The following IL10 variants were observed in gnomAD, a reference collection of about 807,000 sequenced individuals.
The protein encoded by IL10 is interleukin 10.
A neutral mutation model predicts 21.0 loss-of-function variants in IL10; 7 were observed. The observed-to-expected ratio is 0.33, with a 90% CI of 0.19 to 0.63. The LOEUF is 0.63. Among genes scored for constraint, IL10 ranks in the 20% least tolerant of loss-of-function variants. IL10 has a pLI of 0.77. For missense variants in IL10, 161 were observed against 213.0 expected (o/e 0.76, Z 1.52); for synonymous variants, 83 against 79.7 (o/e 1.04, Z -0.22).
chr1:206,770,812 C>T, intron 3 of IL10, 95 bp downstream of exon 3: 4 of 1,207,736 alleles, frequency 3.3e-6, no homozygotes, highest in Non-Finnish European at 4.9e-6. Context: ...CAGTCTGTGT[C>T]TTTGCTGTGT....
chr1:206,771,790 A>G (rs888523898), intron 1 of IL10, among the ~76,000 whole-genome samples: 3 of 152,162 alleles, frequency 2.0e-5, no homozygotes, highest in South Asian at 2.1e-4. Flanking sequence ...CACTGTAGAC[A>G]TCCAGTTTAG....
In IL10 at chr1:206,768,438, T is replaced by G. The variant is rs1674729324; in HGVS notation, c.*198A>C. The stretch of plus-strand genomic sequence containing the variant: ...ATTGAAAAAAATTATAATATTGGGC[T>G]TCTTTCTAAATCGTTCACAGAGAAG... On this transcript the variant is annotated 3_prime_UTR_variant, in exon 5 of 5. Coordinates refer to ENST00000423557, the MANE Select transcript of IL10 (RefSeq NM_000572.3). The G allele has an allele frequency of 1.8e-6, 1 of 564,540 alleles. No homozygotes were observed. Among genetic ancestry groups the G allele is most frequent in the African/African-American group, 1.9e-5 (1 of 53,276 alleles). 35.0% of individuals were successfully genotyped at this position (564,540 alleles called of 1,614,324 possible).
rs575873427 is a variant in IL10 at position 206,769,973 on chromosome 1, C to G, written c.379-79G>C. The G allele has an allele frequency of 6.7e-6, 8 of 1,189,270 alleles. No individual in the cohort carries two copies. The African/African-American group carries it at 7.5e-5, about 11-fold the overall frequency. The allele number at this position is 1,189,270 out of a possible 1,614,324, so 73.7% of individuals were successfully genotyped here. ...TCACACTTAGGGGACAAGCTGGTGG[C>G]ATCATGAGGAGGCCAGATTTATCCA... On this transcript the variant is annotated intron_variant, in intron 3 of 4. Transcript: ENST00000423557.
At position 206,768,622 on chromosome 1, in the gene IL10, GCCA is replaced by G. The variant is rs1248215889; in HGVS notation, c.*11_*13del. On this transcript the variant is annotated 3_prime_UTR_variant, in exon 5 of 5. Transcript: ENST00000423557. ...TTTATGTCCTAGAGTCTATAGAGTCGCCACCCTGATGTCTCAGTTTCGTATCTT... is the reference window on the plus strand; with the variant it reads ...TTTATGTCCTAGAGTCTATAGAGTCGCCCTGATGTCTCAGTTTCGTATCTT... 5.6e-5 allele frequency: 83 copies of G among 1,492,170 alleles called. No individual in the cohort carries two copies. Among genetic ancestry groups the G allele is most frequent in the Non-Finnish European group, 7.5e-5 (80 of 1,069,362 alleles). The allele number at this position is 1,492,170 out of a possible 1,614,324, so 92.4% of individuals were successfully genotyped here. A position where few individuals can be genotyped will look rare whatever the true frequency, so the allele number is the denominator to read the frequency against.
At chr1:206,769,607 G>A in intron 4 of IL10, 2 of 607,816 alleles carry the variant, frequency 3.3e-6, no homozygotes, top group East Asian at 2.8e-5. Flanking sequence ...CAAAGGCAGC[G>A]AGCAGTCATT....
intron 3 of IL10, among the ~76,000 whole-genome samples, chr1:206,770,222 G>A (rs977433728): frequency 4.6e-5 from 7 of 152,042 alleles, no homozygotes; most frequent in Admixed American, 1.3e-4. Flanking sequence ...GTTCCTCCCC[G>A]TCAGTCACAG....
chr1:206,769,768 G>A (rs1321308226), intron 4 of IL10, 61 bp downstream of exon 4: 2 of 1,290,036 alleles, frequency 1.6e-6, no homozygotes, highest in South Asian at 2.4e-5. Context: ...CCATGCTTTG[G>A]GGTTGGGGAG....
intron 4 of IL10, chr1:206,769,533 ACTCTCCC>A: frequency 1.9e-6 from 1 of 513,874 alleles, no homozygotes; most frequent in Non-Finnish European, 3.5e-6. Flanking sequence ...TTCCTTTGTC[ACTCTCCC>A]CAGCATGCAG....
At chr1:206,770,669 C>G (rs983958596) in intron 3 of IL10, 9 of 568,706 alleles carry the variant, frequency 1.6e-5, no homozygotes, top group Non-Finnish European at 2.5e-5. Flanking sequence ...CCACAAATGA[C>G]TCACAAATAA....
chr1:206,768,625 A>T lies in IL10; in HGVS notation c.*11T>A. The T allele has an allele frequency of 6.6e-7, 1 of 1,520,276 alleles. No individual in the cohort carries two copies. Among genetic ancestry groups the T allele is most frequent in the Non-Finnish European group, 9.1e-7 (1 of 1,094,560 alleles). The allele number at this position is 1,520,276 out of a possible 1,614,324, so 94.2% of individuals were successfully genotyped here. A position where few individuals can be genotyped will look rare whatever the true frequency, so the allele number is the denominator to read the frequency against. Reference sequence around the variant, plus strand: ...ATGTCCTAGAGTCTATAGAGTCGCCACCCTGATGTCTCAGTTTCGTATCTT... The same window carrying T: ...ATGTCCTAGAGTCTATAGAGTCGCCTCCCTGATGTCTCAGTTTCGTATCTT... On this transcript the variant is annotated 3_prime_UTR_variant, in exon 5 of 5. Coordinates refer to ENST00000423557, the MANE Select transcript of IL10 (RefSeq NM_000572.3).
intron 4 of IL10, 123 bp from the exon 5 acceptor site, chr1:206,768,851 TG>T: frequency 1.4e-6 from 1 of 711,276 alleles, no homozygotes; most frequent in Non-Finnish European, 2.6e-6. Context: ...TCCCTCACGC[TG>T]GGAAGTAAAC....
intron 4 of IL10, 106 bp downstream of exon 4, chr1:206,769,723 A>G (rs376629904): frequency 4.6e-5 from 40 of 864,614 alleles, no homozygotes; most frequent in African/African-American, 3.8e-4. Context: ...ACTCTCTCCA[A>G]TGAAGAATGG....
intron 4 of IL10, chr1:206,769,499 C>G (rs1404485540): frequency 4.5e-6 from 2 of 443,646 alleles, no homozygotes; most frequent in South Asian, 2.2e-5. Context: ...AGATTCCCAA[C>G]AAGCTACTTT....
chr1:206,768,670 A>G lies in IL10; in HGVS notation c.503T>C (p.Ile168Thr), dbSNP rs1310781150. The change falls in exon 5 of 5, where the codon ATA becomes ACA. Residue 168 changes from isoleucine to threonine, a missense_variant. Physicochemically the swap from Ile to Thr is moderately conservative, Grantham distance 89. Coordinates refer to ENST00000423557, the MANE Select transcript of IL10 (RefSeq NM_000572.3). ...TATCTTCATTGTCATGTAGGCTTCT[A>G]TGTAGTTGATGAAGATGTCAAACTC... The part of the protein sequence containing the change: ...MSEFDIFINY[I>T]EAYMTMKIRN 4 of 1,608,660 alleles carry G rather than the reference A, an allele frequency of 2.5e-6. No homozygotes were observed.
intron 3 of IL10, chr1:206,770,396 T>C: frequency 3.7e-6 from 1 of 266,916 alleles, no homozygotes. Flanking sequence ...AGAAATAAAT[T>C]ACCTGGAGGA....
intron 1 of IL10, 34 bp downstream of exon 1, chr1:206,772,237 G>A (rs1234022810): frequency 1.0e-5 from 16 of 1,599,222 alleles, no homozygotes; most frequent in African/African-American, 1.3e-5. Flanking sequence ...GCAGTCCCAG[G>A]AAGAGAGAAA....
At position 206,772,326 on chromosome 1, in the gene IL10, A is replaced by G; in HGVS notation, c.110T>C (p.Leu37Pro). Residue 37 changes from leucine (L) to proline (P), a missense_variant, in exon 1 of 5, where the codon CTG (leucine) becomes CCG (proline). Physicochemically the swap from Leu to Pro is moderately conservative, Grantham distance 98. Coordinates refer to ENST00000423557, the MANE Select transcript of IL10 (RefSeq NM_000572.3). ...ENSCTHFPGN[L>P]PNMLRDLRDA... Reference sequence around the variant, plus strand: ...TCGGAGATCTCGAAGCATGTTAGGCAGGTTGCCTGGGAAGTGGGTGCAGCT... The same window carrying G: ...TCGGAGATCTCGAAGCATGTTAGGCGGGTTGCCTGGGAAGTGGGTGCAGCT... The G allele has an allele frequency of 6.2e-7, 1 of 1,614,240 alleles. No homozygotes were observed. The highest frequency in any genetic ancestry group is 1.1e-5 in the South Asian group (1 of 91,092).
chr1:206,769,729 A>G lies in IL10; in HGVS notation c.444+100T>C, dbSNP rs1674764841. On this transcript the variant is annotated intron_variant, in intron 4 of 4. Coordinates refer to ENST00000423557, the MANE Select transcript of IL10 (RefSeq NM_000572.3). ...GGTTCCCACACTCTCTCCAATGAAG[A>G]ATGGGGCCTATTGAGTCCCCACCAC... 5.6e-6 allele frequency: 5 copies of G among 889,990 alleles called. No individual in the cohort carries two copies. In the Admixed American group the frequency reaches 8.6e-5, roughly 15 times the overall value. 55.1% of individuals were successfully genotyped at this position (889,990 alleles called of 1,614,324 possible).
rs200783164 is a variant in IL10, at chr1:206,771,370, G to T, written c.211C>A (p.Leu71Met). 23 of 1,613,612 alleles carry T rather than the reference G, an allele frequency of 1.4e-5. No homozygotes were observed. Among genetic ancestry groups the T allele is most frequent in the Middle Eastern group, 1.7e-4 (1 of 6,018 alleles). Residue 71 changes from leucine (L) to methionine (M), a missense_variant, in exon 2 of 5, where the codon CTG (leucine) becomes ATG (methionine). Physicochemically the swap from Leu to Met is conservative, Grantham distance 15. Coordinates refer to ENST00000423557, the MANE Select transcript of IL10 (RefSeq NM_000572.3). ...LDNLLLKESL[L>M]EDFKGYLGCQ... Reference sequence around the variant, plus strand: ...CCTGCTCTCACCTTAAAGTCCTCCAGCAAGGACTCCTTTAACAACAAGTTG... The same window carrying T: ...CCTGCTCTCACCTTAAAGTCCTCCATCAAGGACTCCTTTAACAACAAGTTG...
Sources: gnomAD v4.1 joint callset for allele counts (sites outside exome capture counted in the v4.1 genomes callset) on GRCh38, gnomAD v4.1.1 for gene constraint, MANE v1.5 for transcripts, NCBI Gene and HGNC (gene_info 2026-07-23, HGNC 2026-07-21) for gene names.